GPHN: variants seen among roughly 807,000 people sequenced by gnomAD.
The protein encoded by GPHN is gephyrin.
Under a neutral mutation model 95.5 loss-of-function variants are expected in GPHN, and 17 were observed. That is an observed-to-expected ratio of 0.18 (90% confidence interval 0.12 to 0.27). GPHN has a LOEUF of 0.27. Among genes scored for constraint, GPHN ranks in the 10% least tolerant of loss-of-function variants. The pLI is 1.00. For synonymous variants in GPHN, 320 were observed against 322.5 expected (o/e 0.99, Z 0.08); for missense variants, 660 against 978.1 (o/e 0.67, Z 4.34).
intron 1 of GPHN, among the ~76,000 whole-genome samples, chr14:66,659,157 A>G (rs951212215): frequency 1.3e-5 from 2 of 151,428 alleles, no homozygotes; most frequent in African/African-American, 2.4e-5. Context: ...TTCAGTTTAC[A>G]GAGTGTGTGT....
the GPHN span, chr14:67,572,367 C>CTA: frequency 1.1e-6 from 1 of 889,858 alleles, no homozygotes; most frequent in Non-Finnish European, 1.6e-6. Context: ...CAGTAGCTGC[C>CTA]TGAAGTGAGG....
At position 67,058,675 on chromosome 14, in the gene GPHN, G is replaced by T. The variant is rs774554831; in HGVS notation, c.1033G>T (p.Val345Leu). 3.7e-6 allele frequency: 6 copies of T among 1,613,322 alleles called. No individual in the cohort carries two copies. Among genetic ancestry groups the T allele is most frequent in the Non-Finnish European group, 4.2e-6 (5 of 1,179,268 alleles). Residue 345 changes from valine (V) to leucine (L), a missense_variant, in exon 11 of 23, where the codon GTG (valine) becomes TTG (leucine). Coordinates refer to ENST00000478722, the MANE Select transcript of GPHN (RefSeq NM_020806.5). ...TCACAGTGCTGTCGATATCACCAAGGTGGCTAGAAGACATCGCATGTCTCC... is the reference window on the plus strand; with the variant it reads ...TCACAGTGCTGTCGATATCACCAAGTTGGCTAGAAGACATCGCATGTCTCC... ...ASHSAVDITK[V>L]ARRHRMSPFP...
intron 1 of GPHN, among the ~76,000 whole-genome samples, chr14:66,567,098 C>A (rs1277173826): frequency 6.6e-6 from 1 of 152,244 alleles, no homozygotes. Context: ...TGTCATTTAA[C>A]ATATTTTTGG....
At chr14:67,327,509 C>A in the GPHN span, among the ~76,000 whole-genome samples, 1 of 150,568 alleles carries the variant, frequency 6.6e-6, no homozygotes, top group Non-Finnish European at 1.5e-5. Context: ...TTTTATTATA[C>A]TTTAAGTTCT....
intron 1 of GPHN, among the ~76,000 whole-genome samples, chr14:66,629,394 C>T (rs777862346): frequency 5.9e-5 from 9 of 151,670 alleles, no homozygotes; most frequent in East Asian, 1.9e-4. Flanking sequence ...CTGTCTTCCA[C>T]CTCCTTATCT....
intron 9 of GPHN, among the ~76,000 whole-genome samples, chr14:66,988,272 C>CA (rs2071159495): frequency 6.6e-6 from 1 of 151,936 alleles, no homozygotes; most frequent in Non-Finnish European, 1.5e-5. Context: ...TCTTTCTTTT[C>CA]AAAAATCACT....
At position 66,715,805 on chromosome 14, in the gene GPHN, A is replaced by C. The variant is rs948543179; in HGVS notation, c.143+34620A>C. 2.0e-5 allele frequency among the ~76,000 whole-genome samples: 3 copies of C among 151,952 alleles called. No homozygotes were observed. The East Asian group carries it at 5.8e-4, about 29-fold the overall frequency. ...GCATGGTTTTGAATGTTTCTTTTGG[A>C]GTTGATTTCCAGTTTTATTCTGCTG... On this transcript the variant is annotated intron_variant, in intron 2 of 22. Coordinates refer to ENST00000478722, the MANE Select transcript of GPHN (RefSeq NM_020806.5).
chr14:67,203,402 C>T, the GPHN span: 5 of 853,792 alleles, frequency 5.9e-6, no homozygotes, highest in South Asian at 2.2e-5. Flanking sequence ...GCATGTTACT[C>T]GCACTCCCTG....
intron 1 of GPHN, among the ~76,000 whole-genome samples, chr14:66,514,475 C>T (rs1206896636): frequency 2.0e-5 from 3 of 151,994 alleles, no homozygotes; most frequent in Admixed American, 6.5e-5. Context: ...ATGAAGAAAT[C>T]ACTCTCTAAG....
intron 9 of GPHN, among the ~76,000 whole-genome samples, chr14:66,991,827 G>T (rs1449896379): frequency 6.2e-5 from 9 of 145,532 alleles, no homozygotes; most frequent in Non-Finnish European, 1.5e-5. Context: ...AGCCAGGATC[G>T]CTCTGCTGCA....
intron 2 of GPHN, among the ~76,000 whole-genome samples, chr14:66,769,261 T>C (rs142156299): frequency 0.012 from 1,831 of 152,246 alleles, 19 homozygotes; most frequent in Non-Finnish European, 0.018. Flanking sequence ...TTATCTGATA[T>C]AGTTTTAAAA....
intron 8 of GPHN, among the ~76,000 whole-genome samples, chr14:66,949,139 G>A (rs2067936904): frequency 6.6e-6 from 1 of 152,034 alleles, no homozygotes; most frequent in Non-Finnish European, 1.5e-5. Context: ...AGGCTGGAGT[G>A]CAGTGGCACA....
intron 1 of GPHN, among the ~76,000 whole-genome samples, chr14:66,609,631 AT>A (rs1446822361): frequency 3.9e-5 from 6 of 152,070 alleles, no homozygotes; most frequent in African/African-American, 1.4e-4. Context: ...CATTTTTAAA[AT>A]ATTCTTTTTT....
rs113285035 is a variant in GPHN, at chr14:66,565,620, A to G, written c.64+57029A>G. 3.6e-3 allele frequency among the ~76,000 whole-genome samples: 553 copies of G among 152,274 alleles called. 12 individuals carry two copies. Among genetic ancestry groups the G allele is most frequent in the African/African-American group, 0.013 (527 of 41,550 alleles). ...TGGCCTTTATATATAATTTGATTAC[A>G]AATTTACTGACCACATGTGGTTGTT... is the stretch of plus-strand genomic sequence containing the variant. On this transcript the variant is annotated intron_variant, in intron 1 of 22. Coordinates refer to ENST00000478722, the MANE Select transcript of GPHN (RefSeq NM_020806.5).
chr14:67,066,816 A>G (rs117632613), intron 11 of GPHN, among the ~76,000 whole-genome samples: 166 of 152,198 alleles, frequency 1.1e-3, no homozygotes, highest in Non-Finnish European at 2.1e-3. Flanking sequence ...GTTTATTCTC[A>G]TTAGCCATTC....
intron 4 of GPHN, among the ~76,000 whole-genome samples, chr14:66,852,021 T>G (rs765105365): frequency 6.6e-6 from 1 of 152,214 alleles, no homozygotes; most frequent in Non-Finnish European, 1.5e-5. Flanking sequence ...ACTAGTTTTC[T>G]GAGCCAACCT....
intron 2 of GPHN, among the ~76,000 whole-genome samples, chr14:66,714,370 CT>C (rs1378638711): frequency 6.6e-6 from 1 of 152,118 alleles, no homozygotes; most frequent in Non-Finnish European, 1.5e-5. Flanking sequence ...TTGCTGAATT[CT>C]TTTATCAGTT....
chr14:67,256,657 C>T, the GPHN span, among the ~76,000 whole-genome samples: 7 of 152,152 alleles, frequency 4.6e-5, no homozygotes, highest in South Asian at 2.1e-4. Flanking sequence ...AAGTGATTCT[C>T]GTGCCTCAGC....
At chr14:66,937,503 C>T (rs1268565327) in intron 8 of GPHN, among the ~76,000 whole-genome samples, 15 of 152,028 alleles carry the variant, frequency 9.9e-5, no homozygotes, top group Non-Finnish European at 1.2e-4. Flanking sequence ...GCCTCAGCCT[C>T]CCAAGTAGTG....
Sources: gnomAD v4.1 joint callset for allele counts (sites outside exome capture counted in the v4.1 genomes callset) on GRCh38, gnomAD v4.1.1 for gene constraint, MANE v1.5 for transcripts, NCBI Gene and HGNC (gene_info 2026-07-23, HGNC 2026-07-21) for gene names.